Variants in GAD2 observed in about 807,000 individuals in gnomAD.
GAD2 encodes the protein 65 kDa glutamic acid decarboxylase.
A neutral mutation model predicts 80.1 loss-of-function variants in GAD2; 22 were observed. That is an observed-to-expected ratio of 0.27 (90% CI 0.20 to 0.39). The LOEUF (loss-of-function observed/expected upper bound fraction) is 0.39. Among genes scored for constraint, GAD2 ranks in the 10% least tolerant of loss-of-function variants. The pLI, the probability that GAD2 is intolerant of heterozygous loss-of-function variation, is 1.00. For missense variants in GAD2, 624 were observed against 738.4 expected (o/e 0.85, Z 1.80); for synonymous variants, 274 against 256.9 (o/e 1.07, Z -0.64).
intron 4 of GAD2, among the ~76,000 whole-genome samples, chr10:26,221,933 C>T (rs1844457650): frequency 6.6e-6 from 1 of 152,138 alleles, no homozygotes; most frequent in South Asian, 2.1e-4. Flanking sequence ...TTGGAGAGAG[C>T]CCTGCCTTGA....
chr10:26,271,309 C>T (rs1247070105), intron 10 of GAD2, among the ~76,000 whole-genome samples: 2 of 152,092 alleles, frequency 1.3e-5, no homozygotes, highest in East Asian at 1.9e-4. Flanking sequence ...ATATTTGAAA[C>T]GTTTTGACTT....
intron 11 of GAD2, among the ~76,000 whole-genome samples, chr10:26,278,325 C>T (rs1004603201): frequency 6.6e-6 from 1 of 152,230 alleles, no homozygotes; most frequent in Non-Finnish European, 1.5e-5. Flanking sequence ...CACGGTGTCA[C>T]CAAGCTCACA....
chr10:26,219,931 G>C (rs8190603), intron 4 of GAD2, among the ~76,000 whole-genome samples: 123 of 152,290 alleles, frequency 8.1e-4, no homozygotes, highest in African/African-American at 2.3e-3. Flanking sequence ...AAAGAAAAAG[G>C]GGGGGAGGGG....
intron 5 of GAD2, 120 bp downstream of exon 5, chr10:26,224,097 C>T (rs1189128755): frequency 6.0e-6 from 4 of 663,148 alleles, no homozygotes; most frequent in Non-Finnish European, 1.0e-5. Flanking sequence ...GTGATACAAA[C>T]TTCTGAAGTG....
intron 12 of GAD2, 27 bp downstream of exon 12, chr10:26,281,114 A>C (rs1845266246): frequency 6.5e-7 from 1 of 1,535,306 alleles, no homozygotes; most frequent in Admixed American, 1.7e-5. Flanking sequence ...TCTGTGTCCC[A>C]GTCCGTGCGT....
chr10:26,284,564 CTTTTTT>C (rs35046451), intron 12 of GAD2, among the ~76,000 whole-genome samples: 24 of 93,160 alleles, frequency 2.6e-4, no homozygotes, highest in African/African-American at 8.6e-4. Context: ...GGCTGTTCAG[CTTTTTT>C]TTTTTTTTTT....
intron 15 of GAD2, among the ~76,000 whole-genome samples, 184 bp downstream of exon 15, chr10:26,293,175 T>C (rs868288888): frequency 6.7e-4 from 80 of 118,714 alleles, no homozygotes; most frequent in Middle Eastern, 4.2e-3. Context: ...TTTTCTTCTT[T>C]TTTTTTTTTT....
In GAD2 at chr10:26,246,090, G is replaced by A. The variant is rs758483791; in HGVS notation, c.920+90G>A. The A allele has an allele frequency of 2.2e-5, 22 of 978,924 alleles. 1 individual carries two copies. The highest frequency in any genetic ancestry group is 5.7e-5 in the South Asian group (4 of 69,754). 60.6% of individuals were successfully genotyped at this position (978,924 alleles called of 1,614,324 possible). On this transcript the variant is annotated intron_variant, in intron 8 of 15. Coordinates refer to ENST00000376261, the MANE Select transcript of GAD2 (RefSeq NM_001134366.2). ...TGGTCTGAAAATAGGAGAGGACCAC[G>A]GGGCAGCAAGTCCACCTCCCTCCCA... is the stretch of plus-strand genomic sequence containing the variant.
At chr10:26,267,195 A>C (rs1055970272) in intron 8 of GAD2, among the ~76,000 whole-genome samples, 6 of 152,222 alleles carry the variant, frequency 3.9e-5, no homozygotes, top group African/African-American at 1.4e-4. Flanking sequence ...GTTGGGTAAA[A>C]TTCAAGATTT....
intron 11 of GAD2, 33 bp downstream of exon 11, chr10:26,273,733 G>T (rs1429118358): frequency 6.4e-7 from 1 of 1,573,818 alleles, no homozygotes; most frequent in South Asian, 1.1e-5. Context: ...ACAACATAAA[G>T]TGTTAAAAGC....
chr10:26,217,710 G>A lies in GAD2; in HGVS notation c.136+41G>A, dbSNP rs1272026683. On this transcript the variant is annotated intron_variant, in intron 2 of 15. Transcript: ENST00000376261. The surrounding 1 kb of genome is among the most constrained non-coding windows in gnomAD (Gnocchi z 4.9). ...CCGGGGCGGCCAAGGTCGGCCCGCG[G>A]GGTCCAAGCAGTCTTCTCACCTCCG... 6.2e-7 allele frequency: 1 copy of A among 1,606,568 alleles called. No homozygotes were observed.
chr10:26,300,302 A>G (rs939833195), intron 15 of GAD2, among the ~76,000 whole-genome samples: 2 of 152,204 alleles, frequency 1.3e-5, no homozygotes, highest in Non-Finnish European at 2.9e-5. Flanking sequence ...CTGCAAAGAG[A>G]GAACGAAAAG....
At chr10:26,232,097 C>T (rs1008788552) in intron 7 of GAD2, among the ~76,000 whole-genome samples, 2 of 152,234 alleles carry the variant, frequency 1.3e-5, no homozygotes, top group Non-Finnish European at 2.9e-5. Context: ...CAGGAGATAA[C>T]TTTCTTTTCT....
At chr10:26,259,721 T>C (rs1844987196) in intron 8 of GAD2, among the ~76,000 whole-genome samples, 1 of 152,184 alleles carries the variant, frequency 6.6e-6, no homozygotes, top group African/African-American at 2.4e-5. Flanking sequence ...AAGTCAAATT[T>C]TTCTATTTTT....
At chr10:26,262,055 A>G (rs1845015093) in intron 8 of GAD2, among the ~76,000 whole-genome samples, 2 of 152,132 alleles carry the variant, frequency 1.3e-5, no homozygotes, top group Admixed American at 6.5e-5. Context: ...AAATGTATCT[A>G]TAGGTTTCTC....
chr10:26,238,615 A>G (rs1457589988), intron 7 of GAD2, among the ~76,000 whole-genome samples: 2 of 152,240 alleles, frequency 1.3e-5, no homozygotes, highest in African/African-American at 2.4e-5. Flanking sequence ...GACTAATAAG[A>G]TAGCAGCTTC....
chr10:26,300,294 G>A (rs1318628127), intron 15 of GAD2, among the ~76,000 whole-genome samples: 1 of 152,140 alleles, frequency 6.6e-6, no homozygotes, highest in Non-Finnish European at 1.5e-5. Context: ...GTGAGGCACT[G>A]CAAAGAGAGA....
chr10:26,223,238 A>T (rs1354650473), intron 4 of GAD2, among the ~76,000 whole-genome samples: 1 of 152,220 alleles, frequency 6.6e-6, no homozygotes, highest in Non-Finnish European at 1.5e-5. Flanking sequence ...TGTTGTTTAT[A>T]ATTAACAAAG....
chr10:26,216,786 G>A lies in GAD2; in HGVS notation c.-24G>A, dbSNP rs113119493. On this transcript the variant is annotated 5_prime_UTR_variant, in exon 1 of 16. Transcript: ENST00000376261. This position sits in a 1 kb window ranked among gnomAD's most constrained non-coding sequence, Gnocchi z 4.7. ...TCGCCCGCAGCTCGCACTCGCAGGC[G>A]ACCTGCTCCAGTCTCCAAAGCCGAT... 13 of 1,601,174 alleles carry A rather than the reference G, an allele frequency of 8.1e-6. No homozygotes were observed. The highest frequency in any genetic ancestry group is 1.7e-4 in the Middle Eastern group (1 of 5,868).
Sources: gnomAD v4.1 joint callset for allele counts (sites outside exome capture counted in the v4.1 genomes callset) on GRCh38, gnomAD v4.1.1 for gene constraint, Gnocchi (gnomAD v3.1) non-coding constraint, MANE v1.5 for transcripts, NCBI Gene and HGNC (gene_info 2026-07-23, HGNC 2026-07-21) for gene names.